Variants in PCNX4 observed in about 807,000 individuals in gnomAD.
PCNX4 encodes pecanex 4, also known as pecanex-like protein 4.
In PCNX4, 103 loss-of-function variants were observed where a neutral mutation model predicts 107.2. The observed-to-expected ratio is 0.96, with a 90% CI of 0.82 to 1.13. The LOEUF (loss-of-function observed/expected upper bound fraction) is 1.13, where lower values mean the gene tolerates loss of function less well. Among genes scored for constraint, PCNX4 ranks in the 50% most tolerant of loss-of-function variants. The probability of loss-of-function intolerance (pLI) is 0.00; values close to 1 mark genes in which losing one functional copy is unlikely to be tolerated. For missense variants in PCNX4, 1,528 were observed against 1,379.4 expected (o/e 1.11, Z -1.71); for synonymous variants, 541 against 481.7 (o/e 1.12, Z -1.61).
intron 6 of PCNX4, 146 bp downstream of exon 6, chr14:60,116,206 T>A: frequency 1.3e-6 from 1 of 755,168 alleles, no homozygotes; most frequent in Non-Finnish European, 2.0e-6. Context: ...ACCTCAACTG[T>A]TATTTCCCAT....
intron 1 of PCNX4, among the ~76,000 whole-genome samples, chr14:60,104,100 C>T (rs1240052623): frequency 6.6e-6 from 1 of 152,056 alleles, no homozygotes. Flanking sequence ...GCGGGCAGAT[C>T]ATGAGGTCAG....
Position 60,107,919 on chromosome 14 carries a change from C to T in PCNX4, c.281C>T (p.Ala94Val), listed in dbSNP as rs1349009981. The change falls in exon 2 of 11, where the codon GCC becomes GTC. Residue 94 changes from alanine to valine, a missense_variant. Ala to Val is a moderately conservative substitution (Grantham distance 64, BLOSUM62 0). Transcript: ENST00000406854. ...AFVIQFTSLY[A>V]KNKSTTVERI... Reference sequence around the variant, plus strand: ...GTCATCCAGTTCACAAGTTTATACGCCAAAAACAAATCAACAACAGTAGAA... The same window carrying T: ...GTCATCCAGTTCACAAGTTTATACGTCAAAAACAAATCAACAACAGTAGAA... The T allele has an allele frequency of 3.7e-6, 6 of 1,612,728 alleles. No homozygotes were observed. The highest frequency in any genetic ancestry group is 5.1e-6 in the Non-Finnish European group (6 of 1,179,864).
At position 60,095,576 on chromosome 14, in the gene PCNX4, G is replaced by A. The variant is rs371811536; in HGVS notation, c.-54+3157G>A. Among the ~76,000 whole-genome samples, 14 of 152,284 alleles carry A rather than the reference G, an allele frequency of 9.2e-5. No homozygotes were observed. The East Asian group carries it at 2.7e-3, about 29-fold the overall frequency. On this transcript the variant is annotated intron_variant, in intron 1 of 10. Transcript: ENST00000406854. Reference sequence around the variant, plus strand: ...TTCCCTTTGGCTAAATGAGTTTGGGGTCCCAAAATTTAATTTCCTTTCACA... The same window carrying A: ...TTCCCTTTGGCTAAATGAGTTTGGGATCCCAAAATTTAATTTCCTTTCACA...
At position 60,138,937 on chromosome 14, in the gene PCNX4, TATAA is replaced by T. The variant is rs1278305439; in HGVS notation, c.*4721_*4724del. The T allele has an allele frequency of 1.3e-5, 2 of 152,074 alleles. No individual in the cohort carries two copies. The highest frequency in any genetic ancestry group is 1.9e-4 in the East Asian group (1 of 5,198). The allele number at this position is 152,074 out of a possible 1,614,324, so 9.4% of individuals were successfully genotyped here. On this transcript the variant is annotated 3_prime_UTR_variant, in exon 11 of 11. Coordinates refer to ENST00000406854, the MANE Select transcript of PCNX4 (RefSeq NM_001330177.2). ...AGAATTATCAGAAAGAAGATTAAAG[TATAA>T]ATAAGACTGCTGTGTCATCTATAGG...
At position 60,142,189 on chromosome 14, in the gene PCNX4, G is replaced by C. The variant is rs1487247386; in HGVS notation, c.*7968G>C. The C allele has an allele frequency of 6.6e-6, 1 of 152,152 alleles. No homozygotes were observed. Among genetic ancestry groups the C allele is most frequent in the Non-Finnish European group, 1.5e-5 (1 of 68,034 alleles). The allele number at this position is 152,152 out of a possible 1,614,324, so 9.4% of individuals were successfully genotyped here. On this transcript the variant is annotated 3_prime_UTR_variant, in exon 11 of 11. Coordinates refer to ENST00000406854, the MANE Select transcript of PCNX4 (RefSeq NM_001330177.2). This position sits in a 1 kb window ranked among gnomAD's most constrained non-coding sequence, Gnocchi z 4.7. ...ATTGTGGTTATGGTTCACAAGTGTA[G>C]CCATATGGCAAAACTTAACAAATTG...
chr14:60,094,920 ATAAAT>A (rs1187307403), intron 1 of PCNX4, among the ~76,000 whole-genome samples: 2 of 152,086 alleles, frequency 1.3e-5, no homozygotes, highest in Non-Finnish European at 2.9e-5. Context: ...TTTTTGTAAA[ATAAAT>A]TAATTTATTT....
chr14:60,121,153 A>G (rs747841886), intron 7 of PCNX4, 43 bp from the exon 8 acceptor site: 1 of 1,530,850 alleles, frequency 6.5e-7, no homozygotes, highest in Non-Finnish European at 8.7e-7. Flanking sequence ...AAGTTTGAAA[A>G]TGATTTTCTT....
In PCNX4 at chr14:60,115,558, A is replaced by G. The variant is rs115609434; in HGVS notation, c.1357+97A>G. The G allele has an allele frequency of 6.5e-4, 928 of 1,424,438 alleles. 3 individuals are homozygous for G. The African/African-American group carries it at 0.011, about 18-fold the overall frequency. 88.2% of individuals were successfully genotyped at this position (1,424,438 alleles called of 1,614,324 possible). Reference sequence around the variant, plus strand: ...TCCCATATTTGTGTGGTATTATACCATATACAAGTGTTTGTTCTTTTATGT... The same window carrying G: ...TCCCATATTTGTGTGGTATTATACCGTATACAAGTGTTTGTTCTTTTATGT... On this transcript the variant is annotated intron_variant, in intron 4 of 10. Coordinates refer to ENST00000406854, the MANE Select transcript of PCNX4 (RefSeq NM_001330177.2).
chr14:60,113,536 T>C (rs1895780060), intron 2 of PCNX4, among the ~76,000 whole-genome samples: 1 of 151,912 alleles, frequency 6.6e-6, no homozygotes, highest in Non-Finnish European at 1.5e-5. Context: ...ACCCAGCTAA[T>C]TTTTGTATTT....
chr14:60,115,723 A>G lies in PCNX4; in HGVS notation c.1362A>G (p.Ser454=), dbSNP rs752630687. Residue 454 remains serine, a synonymous_variant, in exon 5 of 11, where the codon TCA becomes TCG. Coordinates refer to ENST00000406854, the MANE Select transcript of PCNX4 (RefSeq NM_001330177.2). ...IVRRILLTLV[S]PFAMIAFLSL... ...TCTCTTTTTGTTTTGTTTTAGTATC[A>G]CCTTTTGCCATGATAGCATTTCTTT... 2 of 1,610,990 alleles carry G rather than the reference A, an allele frequency of 1.2e-6. No homozygotes were observed. The highest frequency in any genetic ancestry group is 3.3e-5 in the Admixed American group (2 of 59,774).
intron 2 of PCNX4, among the ~76,000 whole-genome samples, chr14:60,111,999 G>T (rs1895749216): frequency 1.3e-5 from 2 of 152,152 alleles, no homozygotes; most frequent in Admixed American, 1.3e-4. Flanking sequence ...TTCAAATTTG[G>T]ACAGTTGTCA....
In PCNX4 at chr14:60,125,042, A is replaced by G; in HGVS notation, c.2871A>G (p.Val957=). ...CYHSEEKASN[V]LEEIAKDKVL... The stretch of plus-strand genomic sequence containing the variant: ...ATTCAGAAGAGAAGGCCTCAAATGT[A>G]CTGGAAGAAATTGCCAAGGACAAAG... Residue 957 remains valine (V), a synonymous_variant, in exon 9 of 11, where the codon GTA becomes GTG. Transcript: ENST00000406854. The G allele has an allele frequency of 1.2e-6, 2 of 1,613,754 alleles. No homozygotes were observed. Among genetic ancestry groups the G allele is most frequent in the Non-Finnish European group, 1.7e-6 (2 of 1,179,752 alleles).
intron 6 of PCNX4, among the ~76,000 whole-genome samples, 173 bp downstream of exon 6, chr14:60,116,233 G>A (rs899392154): frequency 5.9e-5 from 9 of 152,018 alleles, no homozygotes; most frequent in Non-Finnish European, 1.0e-4. Context: ...TCTCCATCTC[G>A]CCTACTACCC....
chr14:60,097,189 T>C (rs969530949), intron 1 of PCNX4, among the ~76,000 whole-genome samples: 1 of 152,218 alleles, frequency 6.6e-6, no homozygotes, highest in Non-Finnish European at 1.5e-5. Flanking sequence ...TCTTCACTGC[T>C]GGCATTGACA....
intron 1 of PCNX4, among the ~76,000 whole-genome samples, chr14:60,093,974 CTTA>C (rs1043653270): frequency 2.0e-5 from 3 of 152,104 alleles, no homozygotes; most frequent in Non-Finnish European, 4.4e-5. Flanking sequence ...ATTTTCTGTG[CTTA>C]TTAACCATTT....
intron 9 of PCNX4, 56 bp from the exon 10 acceptor site, chr14:60,125,581 A>G: frequency 4.1e-6 from 5 of 1,219,808 alleles, no homozygotes; most frequent in East Asian, 5.6e-5. Context: ...AATCTATTTG[A>G]TCTTTAAAGT....
At chr14:60,116,701 A>T (rs748295148) in intron 6 of PCNX4, among the ~76,000 whole-genome samples, 1 of 151,182 alleles carries the variant, frequency 6.6e-6, no homozygotes, top group Non-Finnish European at 1.5e-5. Flanking sequence ...CCTACATATT[A>T]AAAAAAAAGT....
chr14:60,112,599 G>C (rs1895759674), intron 2 of PCNX4, among the ~76,000 whole-genome samples: 1 of 152,128 alleles, frequency 6.6e-6, no homozygotes, highest in Non-Finnish European at 1.5e-5. Flanking sequence ...GACCAAAAGA[G>C]ATTTAGGGGT....
intron 1 of PCNX4, among the ~76,000 whole-genome samples, chr14:60,097,527 A>G (rs954391991): frequency 1.3e-5 from 2 of 152,226 alleles, no homozygotes; most frequent in Admixed American, 1.3e-4. Context: ...AGCAGGAATA[A>G]CTGTTACTAA....
Sources: allele counts gnomAD v4.1 joint callset (sites outside exome capture counted in the v4.1 genomes callset), GRCh38; gene constraint gnomAD v4.1.1; non-coding constraint Gnocchi (gnomAD v3.1); transcripts MANE v1.5; gene names NCBI Gene and HGNC (gene_info 2026-07-23, HGNC 2026-07-21).